The following CA12 variants were observed in gnomAD, a reference collection of about 807,000 sequenced individuals.
The protein encoded by CA12 is carbonic anhydrase 12.
CA12 carries 36 observed loss-of-function variants against 46.8 expected under a neutral mutation model. That is an observed-to-expected ratio of 0.77 (90% CI 0.59 to 1.02). The LOEUF (loss-of-function observed/expected upper bound fraction) is 1.02, where lower values mean the gene tolerates loss of function less well. CA12 is among the 50% of genes least tolerant of loss of function. CA12 has a pLI of 0.00. For synonymous variants in CA12, 202 were observed against 187.0 expected (o/e 1.08, Z -0.65); for missense variants, 436 against 451.4 (o/e 0.97, Z 0.31).
In CA12 at chr15:63,326,056, G is replaced by C. The variant is rs374714166; in HGVS notation, c.*229C>G. 23 of 560,284 alleles carry C rather than the reference G, an allele frequency of 4.1e-5. No homozygotes were observed. In the African/African-American group the frequency reaches 4.3e-4, roughly 11 times the overall value. The allele number at this position is 560,284 out of a possible 1,614,324, so 34.7% of individuals were successfully genotyped here. Reference sequence around the variant, plus strand: ...TCACACAGTTACAGCAAGCAGCTTTGAATTCCTGCTGCTTGGTCTGAGAGT... The same window carrying C: ...TCACACAGTTACAGCAAGCAGCTTTCAATTCCTGCTGCTTGGTCTGAGAGT... On this transcript the variant is annotated 3_prime_UTR_variant, in exon 11 of 11. Coordinates refer to ENST00000178638, the MANE Select transcript of CA12 (RefSeq NM_001218.5).
chr15:63,377,067 A>G (rs895453020), intron 1 of CA12, among the ~76,000 whole-genome samples: 5 of 152,174 alleles, frequency 3.3e-5, no homozygotes, highest in African/African-American at 1.2e-4. Flanking sequence ...TTCGCACTCC[A>G]CACTCTTCAT....
chr15:63,360,021 C>T (rs1400317647), intron 2 of CA12, among the ~76,000 whole-genome samples: 3 of 152,236 alleles, frequency 2.0e-5, no homozygotes, highest in Non-Finnish European at 4.4e-5. Context: ...GCTTTCCCCA[C>T]TCATCACCTG....
At chr15:63,346,410 G>GCCCCC in intron 3 of CA12, 120 bp downstream of exon 3, 1 of 403,616 alleles carries the variant, frequency 2.5e-6, no homozygotes, top group Admixed American at 2.7e-5. Context: ...CCCCCGCCCC[G>GCCCCC]CCCCACCCCT....
At chr15:63,361,097 C>A (rs1410310053) in intron 2 of CA12, among the ~76,000 whole-genome samples, 1 of 152,238 alleles carries the variant, frequency 6.6e-6, no homozygotes, top group African/African-American at 2.4e-5. Context: ...ATCTTCCACA[C>A]TCTGGGGCAG....
At chr15:63,379,663 T>C (rs780823605) in intron 1 of CA12, among the ~76,000 whole-genome samples, 2 of 152,204 alleles carry the variant, frequency 1.3e-5, no homozygotes, top group Admixed American at 6.5e-5. Context: ...GAGGTTCCCC[T>C]GGAGGGAATG....
intron 2 of CA12, among the ~76,000 whole-genome samples, chr15:63,351,408 C>T (rs981425139): frequency 5.3e-5 from 8 of 152,186 alleles, no homozygotes; most frequent in African/African-American, 1.9e-4. Context: ...GGCACCACCC[C>T]ACCACCCATC....
chr15:63,340,180 A>G lies in CA12; in HGVS notation c.747+108T>C. 7.8e-7 allele frequency: 1 copy of G among 1,281,142 alleles called. No individual in the cohort carries two copies. Among genetic ancestry groups the G allele is most frequent in the Non-Finnish European group, 1.1e-6 (1 of 894,218 alleles). The allele number at this position is 1,281,142 out of a possible 1,614,324, so 79.4% of individuals were successfully genotyped here. On this transcript the variant is annotated intron_variant, in intron 7 of 10. Transcript: ENST00000178638. The surrounding 1 kb of genome is among the most constrained non-coding windows in gnomAD (Gnocchi z 4.4). ...TGTGATATTTGGAGAGGTTTTGAAG[A>G]GCTGCCAATGAAACTAAATGAGGAA... is the stretch of plus-strand genomic sequence containing the variant.
rs2039069829 is a variant in CA12, at chr15:63,340,853, A to C, written c.526-70T>G. 2.9e-6 allele frequency: 4 copies of C among 1,364,338 alleles called. No homozygotes were observed. The highest frequency in any genetic ancestry group is 1.7e-5 in the Admixed American group (1 of 58,960). The allele number at this position is 1,364,338 out of a possible 1,614,324, so 84.5% of individuals were successfully genotyped here. On this transcript the variant is annotated intron_variant, in intron 5 of 10. Transcript: ENST00000178638. The surrounding 1 kb of genome is among the most constrained non-coding windows in gnomAD (Gnocchi z 4.4). ...GGCTGAGCCAGGATTGACGATTGCTATCAGAAGGGCAAAGCTGTGGGTATG... is the reference window on the plus strand; with the variant it reads ...GGCTGAGCCAGGATTGACGATTGCTCTCAGAAGGGCAAAGCTGTGGGTATG...
chr15:63,376,566 C>CTTTCTTTCT (rs1555432645), intron 1 of CA12, among the ~76,000 whole-genome samples: 4 of 108,652 alleles, frequency 3.7e-5, no homozygotes, highest in Non-Finnish European at 5.8e-5. Flanking sequence ...TCCTTTCTTT[C>CTTTCTTTCT]TTTCTTTCTT....
intron 2 of CA12, among the ~76,000 whole-genome samples, chr15:63,349,570 C>G (rs1253679430): frequency 6.6e-6 from 1 of 152,160 alleles, no homozygotes; most frequent in Non-Finnish European, 1.5e-5. Context: ...TAGCTTTGAT[C>G]CTTATAACTC....
At chr15:63,337,248 CAG>C (rs1238059344) in intron 8 of CA12, among the ~76,000 whole-genome samples, 2 of 152,160 alleles carry the variant, frequency 1.3e-5, no homozygotes, top group Non-Finnish European at 2.9e-5. Context: ...CATGAAAAGA[CAG>C]AGAATGATGT....
Position 63,330,419 on chromosome 15 carries a change from G to C in CA12, c.875-2289C>G, listed in dbSNP as rs1018217924. Among the ~76,000 whole-genome samples, 3 of 152,176 alleles carry C rather than the reference G, an allele frequency of 2.0e-5. No individual in the cohort carries two copies. Among genetic ancestry groups the C allele is most frequent in the Non-Finnish European group, 4.4e-5 (3 of 68,028 alleles). On this transcript the variant is annotated intron_variant, in intron 8 of 10. Coordinates refer to ENST00000178638, the MANE Select transcript of CA12 (RefSeq NM_001218.5). This position sits in a 1 kb window ranked among gnomAD's most constrained non-coding sequence, Gnocchi z 4.0. ...CAACCCTTTGATGAAATACACTCTC[G>C]TTCTTTGTTCCTGAAGCTCCAGATG... is the stretch of plus-strand genomic sequence containing the variant.
chr15:63,347,694 GA>G (rs918539609), intron 2 of CA12, among the ~76,000 whole-genome samples: 3 of 152,160 alleles, frequency 2.0e-5, no homozygotes, highest in Non-Finnish European at 4.4e-5. Context: ...ATGTTTAAAA[GA>G]TTATCTCCAC....
intron 2 of CA12, among the ~76,000 whole-genome samples, chr15:63,357,508 T>TA (rs972292823): frequency 6.6e-6 from 1 of 152,190 alleles, no homozygotes; most frequent in African/African-American, 2.4e-5. Flanking sequence ...GGAGGTGCTT[T>TA]AAAAAACTGC....
chr15:63,354,363 AAC>A (rs1285767328), intron 2 of CA12, among the ~76,000 whole-genome samples: 1 of 152,212 alleles, frequency 6.6e-6, no homozygotes, highest in Admixed American at 6.5e-5. Context: ...AATAAAAATA[AAC>A]ACATTTTCTA....
intron 2 of CA12, among the ~76,000 whole-genome samples, chr15:63,349,197 G>A (rs950915672): frequency 6.6e-6 from 1 of 152,210 alleles, no homozygotes; most frequent in Non-Finnish European, 1.5e-5. Context: ...TGGAAGCTAT[G>A]TTCTGGAAGG....
At chr15:63,357,013 G>A (rs911234629) in intron 2 of CA12, among the ~76,000 whole-genome samples, 5 of 152,208 alleles carry the variant, frequency 3.3e-5, no homozygotes, top group Non-Finnish European at 7.3e-5. Flanking sequence ...TAAAAAGGCT[G>A]ATCTCATTTT....
rs1457071837 is a variant in CA12, at chr15:63,373,223, G to A, written c.106+2435C>T. 6.6e-6 allele frequency among the ~76,000 whole-genome samples: 1 copy of A among 152,042 alleles called. No individual in the cohort carries two copies. Among genetic ancestry groups the A allele is most frequent in the Admixed American group, 6.5e-5 (1 of 15,272 alleles). On this transcript the variant is annotated intron_variant, in intron 2 of 10. Coordinates refer to ENST00000178638, the MANE Select transcript of CA12 (RefSeq NM_001218.5). The surrounding 1 kb of genome is among the most constrained non-coding windows in gnomAD (Gnocchi z 4.9). ...CTAATAAAAATACAGAAATTAGCCG[G>A]GCGTGATGGCACACCCCTGTAATCC...
At position 63,322,147 on chromosome 15, in the gene CA12, C is replaced by T. The variant is rs1174223332; in HGVS notation, c.*4138G>A. 6.6e-6 allele frequency: 1 copy of T among 152,170 alleles called. No homozygotes were observed. Among genetic ancestry groups the T allele is most frequent in the African/African-American group, 2.4e-5 (1 of 41,448 alleles). 9.4% of individuals were successfully genotyped at this position (152,170 alleles called of 1,614,324 possible). ...ATTGATTCCATTATTTGGAAAACAACTTCTAAGTGTGTTTGGAGCAACTCG... is the reference window on the plus strand; with the variant it reads ...ATTGATTCCATTATTTGGAAAACAATTTCTAAGTGTGTTTGGAGCAACTCG... On this transcript the variant is annotated 3_prime_UTR_variant, in exon 11 of 11. Transcript: ENST00000178638. This position sits in a 1 kb window ranked among gnomAD's most constrained non-coding sequence, Gnocchi z 4.1.
Sources: gnomAD v4.1 joint callset for allele counts (sites outside exome capture counted in the v4.1 genomes callset) on GRCh38, gnomAD v4.1.1 for gene constraint, Gnocchi (gnomAD v3.1) non-coding constraint, MANE v1.5 for transcripts, NCBI Gene and HGNC (gene_info 2026-07-23, HGNC 2026-07-21) for gene names.